CENPP: variants seen among roughly 807,000 people sequenced by gnomAD.
CENPP encodes centromere protein P.
CENPP carries 24 observed loss-of-function variants against 35.6 expected under a neutral mutation model. That is an observed-to-expected ratio of 0.67 (90% CI 0.49 to 0.95). The LOEUF (loss-of-function observed/expected upper bound fraction) is 0.95. Among genes scored for constraint, CENPP ranks in the 40% least tolerant of loss-of-function variants. The pLI, the probability that CENPP is intolerant of heterozygous loss-of-function variation, is 0.00. For missense variants in CENPP, 332 were observed against 345.3 expected (o/e 0.96, Z 0.31); for synonymous variants, 120 against 125.5 (o/e 0.96, Z 0.29).
At chr9:92,412,691 G>C (rs72752461) in intron 5 of CENPP, among the ~76,000 whole-genome samples, 35 of 152,184 alleles carry the variant, frequency 2.3e-4, no homozygotes, top group Non-Finnish European at 4.9e-4. Flanking sequence ...TCAGTGCTTC[G>C]TTACTTTTTA....
intron 5 of CENPP, among the ~76,000 whole-genome samples, chr9:92,583,365 A>T (rs1380821577): frequency 6.6e-6 from 1 of 152,226 alleles, no homozygotes; most frequent in Non-Finnish European, 1.5e-5. Flanking sequence ...TGAAGAGAAC[A>T]TCCTTTGTAT....
intron 5 of CENPP, among the ~76,000 whole-genome samples, chr9:92,514,309 C>G (rs1847547327): frequency 6.8e-6 from 1 of 147,230 alleles, no homozygotes; most frequent in African/African-American, 2.5e-5. Flanking sequence ...GAGTCTCGCT[C>G]AAGTGCCCAG....
At chr9:92,600,522 G>T in intron 5 of CENPP, 1 of 1,612,848 alleles carries the variant, frequency 6.2e-7, no homozygotes, top group Non-Finnish European at 8.5e-7. Flanking sequence ...AGTGCTGAGG[G>T]CTGGGCCACC....
Position 92,448,990 on chromosome 9 carries a change from A to G in CENPP, c.564+69131A>G, listed in dbSNP as rs1169969154. On this transcript the variant is annotated intron_variant, in intron 5 of 7. Transcript: ENST00000375587. Reference sequence around the variant, plus strand: ...TAGTCAGATCTTTTTTACTGTCATAATATTCTCATTGATATATTTGCAAAG... The same window carrying G: ...TAGTCAGATCTTTTTTACTGTCATAGTATTCTCATTGATATATTTGCAAAG... Among the ~76,000 whole-genome samples, 3 of 152,214 alleles carry G rather than the reference A, an allele frequency of 2.0e-5. No homozygotes were observed. The East Asian group carries it at 5.8e-4, about 29-fold the overall frequency.
intron 5 of CENPP, among the ~76,000 whole-genome samples, chr9:92,392,639 A>T (rs72752443): frequency 0.031 from 4,654 of 152,190 alleles, 112 homozygotes; most frequent in South Asian, 0.084. Flanking sequence ...GGGGAGAAAA[A>T]AAAAACACTT....
chr9:92,567,669 G>A (rs963612673), intron 5 of CENPP, among the ~76,000 whole-genome samples: 2 of 151,972 alleles, frequency 1.3e-5, no homozygotes, highest in African/African-American at 4.8e-5. Flanking sequence ...CAAAGAATTT[G>A]TAGCTTGTGT....
At chr9:92,520,580 C>T (rs1478978291) in intron 5 of CENPP, among the ~76,000 whole-genome samples, 2 of 152,050 alleles carry the variant, frequency 1.3e-5, no homozygotes, top group Middle Eastern at 3.2e-3. Context: ...ATAGAATTAC[C>T]AAATGGCCCA....
chr9:92,420,424 C>G (rs1588118164), intron 5 of CENPP, among the ~76,000 whole-genome samples: 1 of 152,184 alleles, frequency 6.6e-6, no homozygotes, highest in Non-Finnish European at 1.5e-5. Context: ...TCTCTACCTA[C>G]TCACAGCCTG....
intron 5 of CENPP, among the ~76,000 whole-genome samples, chr9:92,452,436 C>A (rs1026686044): frequency 1.8e-4 from 28 of 152,126 alleles, no homozygotes; most frequent in Non-Finnish European, 3.5e-4. Flanking sequence ...GCCTTGCATC[C>A]CAGGGATGAA....
intron 5 of CENPP, chr9:92,464,619 CAGGT>C (rs1261005312): frequency 2.0e-6 from 1 of 501,596 alleles, no homozygotes; most frequent in Non-Finnish European, 3.9e-6. Context: ...CTACCTCTAA[CAGGT>C]ACTGCACAGA....
At chr9:92,551,952 T>TA (rs1849605411) in intron 5 of CENPP, among the ~76,000 whole-genome samples, 2 of 113,858 alleles carry the variant, frequency 1.8e-5, no homozygotes, top group South Asian at 2.7e-4. Context: ...TATATATATA[T>TA]GATATATATA....
rs1189235839 is a variant in CENPP at position 92,616,065 on chromosome 9, T to C, written c.*2916T>C. ...ACAGGCCTTTGATCAGAGCTGCAAG[T>C]AAAAAGTACCATTTCAGGATACACA... On this transcript the variant is annotated 3_prime_UTR_variant, in exon 8 of 8. Coordinates refer to ENST00000375587, the MANE Select transcript of CENPP (RefSeq NM_001012267.3). 6.2e-7 allele frequency: 1 copy of C among 1,603,228 alleles called. No individual in the cohort carries two copies. The highest frequency in any genetic ancestry group is 2.2e-5 in the East Asian group (1 of 44,776).
intron 5 of CENPP, among the ~76,000 whole-genome samples, chr9:92,463,875 C>G (rs1396596533): frequency 2.0e-5 from 3 of 152,064 alleles, no homozygotes; most frequent in African/African-American, 7.2e-5. Flanking sequence ...AGTTATTTTT[C>G]CTCTTTTACT....
chr9:92,491,986 C>T (rs1846184492), intron 5 of CENPP, among the ~76,000 whole-genome samples: 1 of 152,156 alleles, frequency 6.6e-6, no homozygotes, highest in African/African-American at 2.4e-5. Flanking sequence ...AGACGTGAGT[C>T]CCTCCATCTG....
intron 5 of CENPP, among the ~76,000 whole-genome samples, chr9:92,565,145 G>T (rs1040011701): frequency 6.6e-6 from 1 of 151,900 alleles, no homozygotes; most frequent in African/African-American, 2.4e-5. Flanking sequence ...TCTATCTGAT[G>T]TAACTATTTT....
rs147678135 is a variant in CENPP, at chr9:92,400,629, A to T, written c.564+20770A>T. ...GATAGAGTAAGAGTAAGCCAAGTAC[A>T]CAGGAATTATTAAGTAGGACTTGTA... is the stretch of plus-strand genomic sequence containing the variant. On this transcript the variant is annotated intron_variant, in intron 5 of 7. Transcript: ENST00000375587. Among the ~76,000 whole-genome samples the T allele has an allele frequency of 5.3e-5, 8 of 152,366 alleles. No homozygotes were observed. The East Asian group carries it at 1.5e-3, about 29-fold the overall frequency.
intron 5 of CENPP, among the ~76,000 whole-genome samples, chr9:92,463,756 A>T (rs1014774595): frequency 3.3e-5 from 5 of 152,200 alleles, no homozygotes; most frequent in Admixed American, 1.3e-4. Context: ...GGTAAATGTA[A>T]CATTTTTGGT....
At chr9:92,512,048 T>C (rs988745902) in intron 5 of CENPP, 2 of 1,613,598 alleles carry the variant, frequency 1.2e-6, no homozygotes, top group Non-Finnish European at 1.7e-6. Context: ...AGAAGTGATA[T>C]TATTTTTACT....
intron 5 of CENPP, among the ~76,000 whole-genome samples, chr9:92,508,558 C>T (rs777557145): frequency 7.2e-5 from 11 of 152,212 alleles, no homozygotes; most frequent in Non-Finnish European, 1.3e-4. Flanking sequence ...CCTGTTAGTA[C>T]AGTTGTTCTA....
Sources: gnomAD v4.1 joint callset for allele counts (sites outside exome capture counted in the v4.1 genomes callset) on GRCh38, gnomAD v4.1.1 for gene constraint, MANE v1.5 for transcripts, NCBI Gene and HGNC (gene_info 2026-07-23, HGNC 2026-07-21) for gene names.